Variants in ST6GALNAC3 observed in about 807,000 individuals in gnomAD.
ST6GALNAC3 encodes ST6 N-acetylgalactosaminide alpha-2,6-sialyltransferase 3.
ST6GALNAC3 carries 25 observed loss-of-function variants against 32.7 expected under a neutral mutation model. The observed-to-expected ratio is 0.76, with a 90% confidence interval of 0.56 to 1.07. The LOEUF is 1.07. ST6GALNAC3 is among the 50% of genes least tolerant of loss of function. The pLI is 0.00. For synonymous variants in ST6GALNAC3, 129 were observed against 133.1 expected, an observed-to-expected ratio of 0.97 and a Z score of 0.21; for missense variants, 355 against 382.4, an observed-to-expected ratio of 0.93 and a Z score of 0.60.
intron 1 of ST6GALNAC3, among the ~76,000 whole-genome samples, chr1:76,155,246 G>A (rs2100347804): frequency 6.6e-6 from 1 of 152,156 alleles, no homozygotes; most frequent in East Asian, 1.9e-4. Context: ...GAACATAAAG[G>A]ACTCAGCAAA....
At chr1:76,317,661 G>A (rs1355975313) in intron 2 of ST6GALNAC3, among the ~76,000 whole-genome samples, 1 of 152,128 alleles carries the variant, frequency 6.6e-6, no homozygotes, top group African/African-American at 2.4e-5. Context: ...AGGCATGCCA[G>A]CAGTGATTTC....
intron 3 of ST6GALNAC3, among the ~76,000 whole-genome samples, chr1:76,443,103 A>T (rs1437460916): frequency 6.6e-6 from 1 of 152,134 alleles, no homozygotes; most frequent in African/African-American, 2.4e-5. Context: ...ACTTGGTTTT[A>T]TTCCATCACA....
chr1:76,229,112 A>G (rs112745361), intron 1 of ST6GALNAC3, among the ~76,000 whole-genome samples: 9 of 152,180 alleles, frequency 5.9e-5, no homozygotes, highest in African/African-American at 1.9e-4. Flanking sequence ...CTGACCCACA[A>G]CCTGCAGCAA....
intron 1 of ST6GALNAC3, among the ~76,000 whole-genome samples, chr1:76,226,294 A>G (rs1350860462): frequency 6.6e-6 from 1 of 152,202 alleles, no homozygotes; most frequent in East Asian, 1.9e-4. Context: ...TTGCCCTGTC[A>G]TTTAGTGCCA....
At chr1:76,419,640 C>G (rs1012204487) in intron 3 of ST6GALNAC3, among the ~76,000 whole-genome samples, 2 of 152,034 alleles carry the variant, frequency 1.3e-5, no homozygotes, top group Admixed American at 6.6e-5. Context: ...CAGCAGCAAT[C>G]TCTGTTTTTT....
intron 2 of ST6GALNAC3, among the ~76,000 whole-genome samples, chr1:76,348,956 TTC>T (rs1176458549): frequency 6.6e-6 from 1 of 152,168 alleles, no homozygotes; most frequent in African/African-American, 2.4e-5. Flanking sequence ...AGTTTTAATC[TTC>T]TGTTTAAAAT....
At chr1:76,339,610 G>A (rs764435066) in intron 2 of ST6GALNAC3, among the ~76,000 whole-genome samples, 1 of 152,050 alleles carries the variant, frequency 6.6e-6, no homozygotes, top group Non-Finnish European at 1.5e-5. Context: ...CTATAAAATA[G>A]GGCTTTATCC....
chr1:76,423,179 A>G (rs1261068617), intron 3 of ST6GALNAC3, among the ~76,000 whole-genome samples: 7 of 152,042 alleles, frequency 4.6e-5, no homozygotes, highest in Admixed American at 3.9e-4. Context: ...GACAACTGCC[A>G]TCATCACAGC....
rs1649384820 is a variant in ST6GALNAC3, at chr1:76,633,220, A to G, written c.*4414A>G. Reference sequence around the variant, plus strand: ...TTTCTTCTCTAGTGCTTTTTCCACTACACTTTTTAGACAGAAGAGTAGCTG... The same window carrying G: ...TTTCTTCTCTAGTGCTTTTTCCACTGCACTTTTTAGACAGAAGAGTAGCTG... On this transcript the variant is annotated 3_prime_UTR_variant, in exon 5 of 5. Coordinates refer to ENST00000328299, the MANE Select transcript of ST6GALNAC3 (RefSeq NM_152996.4). 6.6e-6 allele frequency: 1 copy of G among 152,202 alleles called. No individual in the cohort carries two copies. The highest frequency in any genetic ancestry group is 6.5e-5 in the Admixed American group (1 of 15,272). 9.4% of individuals were successfully genotyped at this position (152,202 alleles called of 1,614,324 possible). A position where few individuals can be genotyped will look rare whatever the true frequency, so the allele number is the denominator to read the frequency against.
chr1:76,240,037 T>C (rs1656879290), intron 1 of ST6GALNAC3, among the ~76,000 whole-genome samples: 1 of 152,224 alleles, frequency 6.6e-6, no homozygotes. Flanking sequence ...AGTATGCACT[T>C]TGGAGTCAGA....
intron 1 of ST6GALNAC3, among the ~76,000 whole-genome samples, chr1:76,186,130 C>G (rs1003328807): frequency 6.6e-6 from 1 of 152,128 alleles, no homozygotes; most frequent in African/African-American, 2.4e-5. Flanking sequence ...TTTAGCTCAG[C>G]TCTTCACCCA....
intron 3 of ST6GALNAC3, among the ~76,000 whole-genome samples, chr1:76,591,050 A>T (rs1647039249): frequency 6.6e-6 from 1 of 152,210 alleles, no homozygotes; most frequent in Admixed American, 6.6e-5. Flanking sequence ...CTAAAGGAAG[A>T]TATTTGATGC....
intron 1 of ST6GALNAC3, among the ~76,000 whole-genome samples, chr1:76,199,956 T>C (rs1654426762): frequency 6.6e-6 from 1 of 151,972 alleles, no homozygotes; most frequent in African/African-American, 2.4e-5. Context: ...AATGAGAGAG[T>C]TGAGATTCTT....
chr1:76,116,256 T>G (rs574978212), intron 1 of ST6GALNAC3, among the ~76,000 whole-genome samples: 19 of 152,134 alleles, frequency 1.2e-4, no homozygotes, highest in African/African-American at 3.9e-4. Context: ...AAGGTGAGTA[T>G]GCCCAGACCA....
At chr1:76,415,126 C>A (rs1654526433) in intron 3 of ST6GALNAC3, among the ~76,000 whole-genome samples, 1 of 143,174 alleles carries the variant, frequency 7.0e-6, no homozygotes, top group African/African-American at 2.6e-5. Context: ...CTTTCTTTTT[C>A]TGCTACACTG....
intron 3 of ST6GALNAC3, 111 bp from the exon 4 acceptor site, chr1:76,627,341 C>G (rs925005111): frequency 1.4e-6 from 1 of 695,044 alleles, no homozygotes; most frequent in Non-Finnish European, 2.5e-6. Flanking sequence ...TTCCTGATAA[C>G]AAGTGCTATG....
At chr1:76,142,743 C>T (rs868703770) in intron 1 of ST6GALNAC3, 20 of 392,854 alleles carry the variant, frequency 5.1e-5, no homozygotes, top group Middle Eastern at 9.4e-4. Flanking sequence ...CAGTGAGGAG[C>T]GTCCAGCTGT....
intron 3 of ST6GALNAC3, among the ~76,000 whole-genome samples, chr1:76,620,436 A>G (rs1648564342): frequency 6.6e-6 from 1 of 152,042 alleles, no homozygotes; most frequent in South Asian, 2.1e-4. Context: ...ATGTCAAAAT[A>G]TCACATAGCT....
At chr1:76,333,140 G>A (rs1647230175) in intron 2 of ST6GALNAC3, among the ~76,000 whole-genome samples, 1 of 152,100 alleles carries the variant, frequency 6.6e-6, no homozygotes, top group African/African-American at 2.4e-5. Context: ...TTTCAATAAA[G>A]TATTTATTTC....
Sources: allele counts gnomAD v4.1 joint callset (sites outside exome capture counted in the v4.1 genomes callset), GRCh38; gene constraint gnomAD v4.1.1; transcripts MANE v1.5; gene names NCBI Gene and HGNC (gene_info 2026-07-23, HGNC 2026-07-21).